CEP104: variants seen among roughly 807,000 people sequenced by gnomAD.
CEP104 encodes centrosomal protein of 104 kDa.
A neutral mutation model predicts 113.3 loss-of-function variants in CEP104; 84 were observed. The ratio of observed to expected loss-of-function variants is 0.74; its 90% confidence interval spans 0.62 to 0.89. CEP104 has a LOEUF of 0.89. Among genes scored for constraint, CEP104 ranks in the 40% least tolerant of loss-of-function variants. The pLI is 0.00. For synonymous variants in CEP104, 378 were observed against 421.7 expected, an observed-to-expected ratio of 0.90 and a Z score of 1.27; for missense variants, 1,053 against 1,156.6, an observed-to-expected ratio of 0.91 and a Z score of 1.30.
chr1:3,837,695 C>G (rs931056217), intron 8 of CEP104, among the ~76,000 whole-genome samples, 176 bp from the exon 9 acceptor site: 1 of 152,214 alleles, frequency 6.6e-6, no homozygotes, highest in African/African-American at 2.4e-5. Flanking sequence ...ACTTGAAAGT[C>G]CCACACAATC....
rs1287806342 is a variant in CEP104 at position 3,812,433 on chromosome 1, G to A, written c.*2969C>T. 2.6e-5 allele frequency: 4 copies of A among 151,972 alleles called. No individual in the cohort carries two copies. The highest frequency in any genetic ancestry group is 9.7e-5 in the African/African-American group (4 of 41,346). 9.4% of individuals were successfully genotyped at this position (151,972 alleles called of 1,614,324 possible). A position where few individuals can be genotyped will look rare whatever the true frequency, so the allele number is the denominator to read the frequency against. Reference sequence around the variant, plus strand: ...AGATATTTATTTATGAATGACCAAGGGATTTTACAGTTCCTTTTTAATTTT... The same window carrying A: ...AGATATTTATTTATGAATGACCAAGAGATTTTACAGTTCCTTTTTAATTTT... On this transcript the variant is annotated 3_prime_UTR_variant, in exon 22 of 22. Transcript: ENST00000378230.
chr1:3,815,560 A>AATG, intron 21 of CEP104, 43 bp from the exon 22 acceptor site: 3 of 1,393,340 alleles, frequency 2.2e-6, no homozygotes, highest in Non-Finnish European at 2.0e-6. Flanking sequence ...GGGCACTCCT[A>AATG]CCCACGGACC....
intron 21 of CEP104, 80 bp downstream of exon 21, chr1:3,816,200 G>A: frequency 1.6e-6 from 2 of 1,239,606 alleles, no homozygotes; most frequent in East Asian, 2.7e-5. Flanking sequence ...TTGCCATGTT[G>A]CCCTGGACGG....
At position 3,823,283 on chromosome 1, in the gene CEP104, A is replaced by C. The variant is rs1257707784; in HGVS notation, c.2504-42T>G. 2 of 1,612,422 alleles carry C rather than the reference A, an allele frequency of 1.2e-6. No homozygotes were observed. The highest frequency in any genetic ancestry group is 2.2e-5 in the South Asian group (2 of 91,056). The stretch of plus-strand genomic sequence containing the variant: ...AAGACTCAGTCGCTCCCTGAATGAC[A>C]GGCGACAAGACATGCTGCTGGCCTG... On this transcript the variant is annotated intron_variant, in intron 19 of 21. Coordinates refer to ENST00000378230, the MANE Select transcript of CEP104 (RefSeq NM_014704.4). The surrounding 1 kb of genome is among the most constrained non-coding windows in gnomAD (Gnocchi z 4.1).
chr1:3,815,496 G>A lies in CEP104; in HGVS notation c.2684C>T (p.Ala895Val), dbSNP rs754145994. ...GGCCTTTGACCCCAAGGGGCCTGAT[G>A]CGGCCACAGCTGAGCTTTTCCCTGC... Reference protein sequence around the residue: ...LQPGKSSAVAASGPLGSKAGS... With the variant: ...LQPGKSSAVAVSGPLGSKAGS... Residue 895 changes from alanine to valine, a missense_variant, in exon 22 of 22, where the codon GCA becomes GTA. Coordinates refer to ENST00000378230, the MANE Select transcript of CEP104 (RefSeq NM_014704.4). 10 of 1,607,448 alleles carry A rather than the reference G, an allele frequency of 6.2e-6. No homozygotes were observed. In the Middle Eastern group the frequency reaches 5.0e-4, roughly 80 times the overall value.
chr1:3,841,597 G>C (rs1363764670), intron 6 of CEP104, among the ~76,000 whole-genome samples: 2 of 152,184 alleles, frequency 1.3e-5, no homozygotes, highest in Non-Finnish European at 1.5e-5. Flanking sequence ...CAGCAGCAGC[G>C]TGGGGTGCCA....
chr1:3,824,761 A>T lies in CEP104; in HGVS notation c.2364+997T>A, dbSNP rs114391799. Among the ~76,000 whole-genome samples, 1,076 of 152,212 alleles carry T rather than the reference A, an allele frequency of 7.1e-3. 13 individuals are homozygous for T. The highest frequency in any genetic ancestry group is 0.025 in the African/African-American group (1,021 of 41,522). On this transcript the variant is annotated intron_variant, in intron 18 of 21. Coordinates refer to ENST00000378230, the MANE Select transcript of CEP104 (RefSeq NM_014704.4). ...TTCACCAGGGACAGGCACAGGGGGA[A>T]CTCACCAAGACAGCAGGAAGCATGG...
At chr1:3,837,696 C>A (rs1644341691) in intron 8 of CEP104, among the ~76,000 whole-genome samples, 177 bp from the exon 9 acceptor site, 1 of 152,194 alleles carries the variant, frequency 6.6e-6, no homozygotes, top group African/African-American at 2.4e-5. Context: ...CTTGAAAGTC[C>A]CACACAATCA....
rs1643866695 is a variant in CEP104 at position 3,815,486 on chromosome 1, G to A, written c.2694C>T (p.Pro898=). The A allele has an allele frequency of 6.2e-7, 1 of 1,610,884 alleles. No individual in the cohort carries two copies. Among genetic ancestry groups the A allele is most frequent in the Non-Finnish European group, 8.5e-7 (1 of 1,178,816 alleles). The change falls in exon 22 of 22, where the codon CCC becomes CCT. Residue 898 remains proline, a synonymous_variant. Coordinates refer to ENST00000378230, the MANE Select transcript of CEP104 (RefSeq NM_014704.4). ...GKSSAVAASG[P]LGSKAGSKIP... is the part of the protein sequence containing the mutation. ...TCTTGCTTCCGGCCTTTGACCCCAA[G>A]GGGCCTGATGCGGCCACAGCTGAGC...
intron 6 of CEP104, among the ~76,000 whole-genome samples, chr1:3,841,209 A>G (rs1472749500): frequency 6.6e-6 from 1 of 152,146 alleles, no homozygotes; most frequent in East Asian, 1.9e-4. Context: ...ACTTGTCGTA[A>G]AAGTGTACTT....
intron 6 of CEP104, chr1:3,843,369 A>T: frequency 2.1e-6 from 1 of 485,436 alleles, no homozygotes; most frequent in Non-Finnish European, 3.7e-6. Context: ...GCAGAAAAAT[A>T]TGTATAATTT....
chr1:3,833,906 C>G lies in CEP104; in HGVS notation c.1615G>C (p.Asp539His). The G allele has an allele frequency of 6.2e-7, 1 of 1,614,254 alleles. No homozygotes were observed. ...TIPVLLTRTG[D>H]SSARLRVTAA... Reference sequence around the variant, plus strand: ...GTGACGCGGAGGCGGGCAGAAGAATCTCCAGTTCTGGTGAGCAAAACGGGA... The same window carrying G: ...GTGACGCGGAGGCGGGCAGAAGAATGTCCAGTTCTGGTGAGCAAAACGGGA... The change falls in exon 12 of 22, where the codon GAT (aspartate) becomes CAT (histidine). Residue 539 changes from aspartate (D) to histidine (H), a missense_variant. Transcript: ENST00000378230.
intron 2 of CEP104, 52 bp downstream of exon 2, chr1:3,852,243 C>G (rs1244572074): frequency 6.4e-7 from 1 of 1,568,182 alleles, no homozygotes; most frequent in Non-Finnish European, 8.6e-7. Flanking sequence ...GTACCCTCCT[C>G]AGGGACCCGA....
At chr1:3,848,064 A>C (rs114895039) in intron 3 of CEP104, among the ~76,000 whole-genome samples, 1,856 of 152,266 alleles carry the variant, frequency 0.012, 13 homozygotes, top group Middle Eastern at 0.034. Flanking sequence ...TCTAATTAGC[A>C]TTCTTAAGAA....
In CEP104 at chr1:3,844,933, G is replaced by T. The variant is rs531004102; in HGVS notation, c.540C>A (p.Asp180Glu). 4.3e-6 allele frequency: 7 copies of T among 1,614,112 alleles called. No homozygotes were observed. The highest frequency in any genetic ancestry group is 1.6e-4 in the Middle Eastern group (1 of 6,062). Residue 180 changes from aspartate to glutamate, a missense_variant, in exon 6 of 22, where the codon GAC becomes GAA. Physicochemically the swap from Asp to Glu is conservative, Grantham distance 45. Coordinates refer to ENST00000378230, the MANE Select transcript of CEP104 (RefSeq NM_014704.4). ...TGGCGTACGTTCCTTCTAGAGCAGG[G>T]TCCTCGCTGTTGTGCCCAAGGTAGT... Reference protein sequence around the residue: ...IDHYLGHNSEDPALEGTYARK... With the variant: ...IDHYLGHNSEEPALEGTYARK...
At chr1:3,835,305 A>G (rs1644289147) in intron 10 of CEP104, among the ~76,000 whole-genome samples, 1 of 152,236 alleles carries the variant, frequency 6.6e-6, no homozygotes, top group Admixed American at 6.5e-5. Context: ...ATTTAAGACT[A>G]TGTTAAAATA....
chr1:3,844,026 G>C (rs1410511481), intron 6 of CEP104, among the ~76,000 whole-genome samples: 1 of 152,176 alleles, frequency 6.6e-6, no homozygotes, highest in African/African-American at 2.4e-5. Context: ...CTCCCAAAGT[G>C]CTGGGATTAC....
chr1:3,841,367 A>G (rs1442244705), intron 6 of CEP104, among the ~76,000 whole-genome samples: 1 of 152,176 alleles, frequency 6.6e-6, no homozygotes, highest in Non-Finnish European at 1.5e-5. Flanking sequence ...GGACGGCACC[A>G]GCAGCTCTGA....
intron 3 of CEP104, among the ~76,000 whole-genome samples, chr1:3,848,393 G>A (rs958429476): frequency 3.3e-5 from 5 of 151,848 alleles, no homozygotes; most frequent in East Asian, 1.9e-4. Flanking sequence ...TTAGCCGGGC[G>A]TGATGGCGGG....
Sources: gnomAD v4.1 joint callset for allele counts (sites outside exome capture counted in the v4.1 genomes callset) on GRCh38, gnomAD v4.1.1 for gene constraint, Gnocchi (gnomAD v3.1) non-coding constraint, MANE v1.5 for transcripts, NCBI Gene and HGNC (gene_info 2026-07-23, HGNC 2026-07-21) for gene names.